The following PRELID2 variants were observed in gnomAD, a reference collection of about 807,000 sequenced individuals.
The protein encoded by PRELID2 is PRELI domain-containing protein 2.
In PRELID2, 25 loss-of-function variants were observed where a neutral mutation model predicts 28.4. That is an observed-to-expected ratio of 0.88 (90% confidence interval 0.64 to 1.23). The LOEUF is 1.23. PRELID2 is among the 50% of genes most tolerant of loss of function. The pLI is 0.00. For missense variants in PRELID2, 201 were observed against 214.4 expected (o/e 0.94, Z 0.39); for synonymous variants, 76 against 71.6 (o/e 1.06, Z -0.31).
chr5:145,509,487 A>G (rs910524783), intron 1 of PRELID2, among the ~76,000 whole-genome samples: 2 of 152,134 alleles, frequency 1.3e-5, no homozygotes, highest in Non-Finnish European at 1.5e-5. Flanking sequence ...AAAATTTCAC[A>G]TGTCTGAGCA....
intron 1 of PRELID2, among the ~76,000 whole-genome samples, chr5:145,742,065 T>C (rs1274912235): frequency 4.7e-5 from 2 of 42,638 alleles, no homozygotes; most frequent in South Asian, 6.2e-4. Flanking sequence ...TTAATTTATT[T>C]ATAATTATAC....
At chr5:145,570,297 T>A (rs1406687722) in intron 1 of PRELID2, among the ~76,000 whole-genome samples, 1 of 152,040 alleles carries the variant, frequency 6.6e-6, no homozygotes, top group African/African-American at 2.4e-5. Flanking sequence ...AGAACAGAGG[T>A]ACTCACATCA....
intron 1 of PRELID2, among the ~76,000 whole-genome samples, chr5:145,573,694 G>C (rs1218723600): frequency 6.6e-6 from 1 of 152,094 alleles, no homozygotes; most frequent in African/African-American, 2.4e-5. Flanking sequence ...CCCTTTTATG[G>C]CTGCATAGTA....
chr5:145,605,737 TA>T (rs1753495066), intron 1 of PRELID2, among the ~76,000 whole-genome samples: 1 of 151,936 alleles, frequency 6.6e-6, no homozygotes, highest in South Asian at 2.1e-4. Context: ...ATAATGGAAA[TA>T]AATTTTTATA....
chr5:145,613,633 T>A (rs114881433), intron 1 of PRELID2, among the ~76,000 whole-genome samples: 1 of 152,108 alleles, frequency 6.6e-6, no homozygotes, highest in African/African-American at 2.4e-5. Context: ...TATCTTCTTT[T>A]GAGAATTGTC....
intron 1 of PRELID2, among the ~76,000 whole-genome samples, chr5:145,653,264 C>A (rs1376162340): frequency 6.6e-6 from 1 of 152,122 alleles, no homozygotes. Flanking sequence ...TCCTTAGAGA[C>A]CTACAAAGAG....
intron 1 of PRELID2, among the ~76,000 whole-genome samples, chr5:145,669,602 C>T (rs1754665693): frequency 2.0e-5 from 3 of 152,122 alleles, no homozygotes. Flanking sequence ...TCAACCAAGT[C>T]ATGCCATTTT....
At chr5:145,396,463 G>A in the PRELID2 span, among the ~76,000 whole-genome samples, 1 of 143,500 alleles carries the variant, frequency 7.0e-6, no homozygotes, top group Admixed American at 7.1e-5. Context: ...ATGTAAGAAT[G>A]ACATTTACAT....
chr5:145,308,678 T>C, the PRELID2 span, among the ~76,000 whole-genome samples: 1 of 152,174 alleles, frequency 6.6e-6, no homozygotes, highest in Non-Finnish European at 1.5e-5. Flanking sequence ...TTATTAAGCA[T>C]TTAATAGTTT....
At chr5:145,410,267 C>T in the PRELID2 span, among the ~76,000 whole-genome samples, 1 of 151,980 alleles carries the variant, frequency 6.6e-6, no homozygotes, top group Non-Finnish European at 1.5e-5. Context: ...AGTTTATGAC[C>T]AAGAATCCAA....
chr5:145,318,242 A>G, the PRELID2 span, among the ~76,000 whole-genome samples: 1 of 152,206 alleles, frequency 6.6e-6, no homozygotes, highest in African/African-American at 2.4e-5. Flanking sequence ...TCTATATTAA[A>G]GAAGATAAAT....
intron 4 of PRELID2, among the ~76,000 whole-genome samples, chr5:145,816,076 CTTTTTTTTTTTTTTTTT>C (rs1191298938): frequency 1.1e-5 from 1 of 89,042 alleles, no homozygotes; most frequent in Admixed American, 1.1e-4. Context: ...TATTGTGTGT[CTTTTTTTTTTTTTTTTT>C]TTTTTTTTTG....
At chr5:145,273,816 G>A in the PRELID2 span, among the ~76,000 whole-genome samples, 2 of 152,242 alleles carry the variant, frequency 1.3e-5, no homozygotes, top group South Asian at 2.1e-4. Flanking sequence ...TCCTCCAGAA[G>A]GTGGCAGGGA....
At chr5:145,778,973 A>G (rs990240295) in intron 5 of PRELID2, among the ~76,000 whole-genome samples, 1 of 152,222 alleles carries the variant, frequency 6.6e-6, no homozygotes, top group Non-Finnish European at 1.5e-5. Flanking sequence ...TACATGCAAC[A>G]TACTCAGGAT....
intron 1 of PRELID2, among the ~76,000 whole-genome samples, chr5:145,644,070 A>T (rs907252810): frequency 2.6e-4 from 40 of 152,142 alleles, no homozygotes; most frequent in Non-Finnish European, 7.3e-5. Flanking sequence ...TTTGTTTGGA[A>T]TAGTTTCAGA....
chr5:145,422,092 G>C, the PRELID2 span, among the ~76,000 whole-genome samples: 2 of 139,314 alleles, frequency 1.4e-5, no homozygotes, highest in East Asian at 4.0e-4. Flanking sequence ...ACTGTGGTCT[G>C]AGAGATAGTT....
the PRELID2 span, among the ~76,000 whole-genome samples, chr5:145,339,742 G>C: frequency 6.6e-6 from 1 of 152,102 alleles, no homozygotes; most frequent in Admixed American, 6.6e-5. Context: ...GCAATTATCT[G>C]CTCCCGCTGC....
intron 1 of PRELID2, among the ~76,000 whole-genome samples, chr5:145,659,740 T>C (rs1162222220): frequency 6.6e-6 from 1 of 152,210 alleles, no homozygotes; most frequent in Non-Finnish European, 1.5e-5. Flanking sequence ...GTAAATGCAC[T>C]ATTGATTTTT....
At chr5:145,418,493 C>A in the PRELID2 span, among the ~76,000 whole-genome samples, 1 of 152,088 alleles carries the variant, frequency 6.6e-6, no homozygotes, top group African/African-American at 2.4e-5. Flanking sequence ...AACTATACTA[C>A]AGGGCTACAG....
Sources: allele counts gnomAD v4.1 joint callset (sites outside exome capture counted in the v4.1 genomes callset), GRCh38; gene constraint gnomAD v4.1.1; transcripts MANE v1.5; gene names NCBI Gene and HGNC (gene_info 2026-07-23, HGNC 2026-07-21).